Variants in MMP26 observed in about 807,000 individuals in gnomAD.
MMP26 encodes matrix metallopeptidase 26.
Under a neutral mutation model 31.0 loss-of-function variants are expected in MMP26, and 33 were observed. That is an observed-to-expected ratio of 1.06 (90% CI 0.81 to 1.42). The LOEUF (loss-of-function observed/expected upper bound fraction) is 1.42, where lower values mean the gene tolerates loss of function less well. MMP26 is among the 40% of genes most tolerant of loss of function. The pLI is 0.00. For missense variants in MMP26, 347 were observed against 316.1 expected (o/e 1.10, Z -0.74); for synonymous variants, 122 against 114.9 (o/e 1.06, Z -0.40).
chr11:4,839,006 G>C (rs950585082), intron 2 of MMP26, among the ~76,000 whole-genome samples: 1 of 152,158 alleles, frequency 6.6e-6, no homozygotes, highest in Admixed American at 6.5e-5. Context: ...GGGGAGAGCA[G>C]ACACACTGGT....
intron 2 of MMP26, among the ~76,000 whole-genome samples, chr11:4,807,278 T>C (rs1282214342): frequency 6.6e-6 from 1 of 152,094 alleles, no homozygotes; most frequent in Non-Finnish European, 1.5e-5. Flanking sequence ...TTGAACTAAT[T>C]TACACTCCCA....
At chr11:4,770,627 G>A (rs535995008) in intron 2 of MMP26, among the ~76,000 whole-genome samples, 1 of 152,178 alleles carries the variant, frequency 6.6e-6, no homozygotes, top group African/African-American at 2.4e-5. Flanking sequence ...GGCGGATCAC[G>A]AGGTCAAGAG....
rs187616180 is a variant in MMP26 at position 4,784,467 on chromosome 11, G to A, written c.-145+17126G>A. Among the ~76,000 whole-genome samples the A allele has an allele frequency of 7.8e-4, 119 of 152,336 alleles. 2 individuals are homozygous for A. The highest frequency in any genetic ancestry group is 1.3e-3 in the Non-Finnish European group (91 of 68,036). ...GATATAATTATGGTAATGATCACAA[G>A]ATGAGATCATCCTGGATGAACCAGG... On this transcript the variant is annotated intron_variant, in intron 2 of 7. Coordinates refer to ENST00000380390, the MANE Select transcript of MMP26 (RefSeq NM_021801.5).
intron 2 of MMP26, among the ~76,000 whole-genome samples, chr11:4,916,030 AC>A (rs1350774803): frequency 1.3e-5 from 2 of 152,036 alleles, no homozygotes; most frequent in Non-Finnish European, 2.9e-5. Flanking sequence ...AGTGGGATGC[AC>A]CCAGGGGCCA....
intron 1 of MMP26, among the ~76,000 whole-genome samples, chr11:4,758,714 A>C (rs1371775631): frequency 6.6e-6 from 1 of 152,142 alleles, no homozygotes; most frequent in African/African-American, 2.4e-5. Context: ...TATAGCAAAA[A>C]CAACTTCCAC....
At chr11:4,832,509 T>C (rs1033114205) in intron 2 of MMP26, 1 of 152,548 alleles carries the variant, frequency 6.6e-6, no homozygotes. Context: ...GATCACTTAG[T>C]AGCCATTTGC....
chr11:4,930,539 T>A (rs1851332603), intron 2 of MMP26, among the ~76,000 whole-genome samples: 1 of 152,112 alleles, frequency 6.6e-6, no homozygotes, highest in African/African-American at 2.4e-5. Context: ...AATGGCTCCA[T>A]CTACCCAATC....
intron 2 of MMP26, among the ~76,000 whole-genome samples, chr11:4,807,131 A>G (rs1373238608): frequency 6.6e-6 from 1 of 152,170 alleles, no homozygotes. Flanking sequence ...TTTTTTAATA[A>G]ACTTACGTGT....
intron 2 of MMP26, among the ~76,000 whole-genome samples, chr11:4,899,528 T>C (rs1319448278): frequency 6.6e-6 from 1 of 152,182 alleles, no homozygotes; most frequent in African/African-American, 2.4e-5. Flanking sequence ...AAAATGTCTC[T>C]ATAGAATGAC....
intron 1 of MMP26, among the ~76,000 whole-genome samples, chr11:4,732,651 T>A (rs1414730371): frequency 3.3e-5 from 5 of 151,830 alleles, no homozygotes; most frequent in Non-Finnish European, 7.4e-5. Flanking sequence ...GAGCAATCAC[T>A]AATCTACTTT....
At chr11:4,756,886 G>A (rs962791435) in intron 1 of MMP26, 4 of 151,796 alleles carry the variant, frequency 2.6e-5, no homozygotes, top group African/African-American at 9.7e-5. Context: ...ATGTAAATAA[G>A]TGAAGAGACA....
intron 2 of MMP26, among the ~76,000 whole-genome samples, chr11:4,953,825 G>A (rs1177650575): frequency 1.6e-5 from 2 of 125,432 alleles, no homozygotes. Context: ...GCCAAGGCAG[G>A]CGGATCACTT....
chr11:4,849,100 A>G, intron 2 of MMP26: 1 of 1,614,126 alleles, frequency 6.2e-7, no homozygotes, highest in Non-Finnish European at 8.5e-7. Context: ...ATGAGGGGCA[A>G]TGTCCACCAG....
chr11:4,936,596 A>G (rs921579697), intron 2 of MMP26, among the ~76,000 whole-genome samples: 2 of 152,178 alleles, frequency 1.3e-5, no homozygotes. Flanking sequence ...GATTATTTTT[A>G]AATTATAGAA....
chr11:4,939,195 C>T (rs564236940), intron 2 of MMP26, among the ~76,000 whole-genome samples: 1 of 152,194 alleles, frequency 6.6e-6, no homozygotes, highest in South Asian at 2.1e-4. Context: ...CATGTTTACA[C>T]TGTTCACTGT....
intron 2 of MMP26, chr11:4,875,688 A>G (rs1850369833): frequency 6.6e-6 from 1 of 152,114 alleles, no homozygotes; most frequent in Non-Finnish European, 1.5e-5. Context: ...GATTTGGCCT[A>G]CCTGCACAAT....
intron 2 of MMP26, among the ~76,000 whole-genome samples, chr11:4,977,925 A>T (rs1013047786): frequency 2.0e-5 from 3 of 151,868 alleles, no homozygotes; most frequent in African/African-American, 7.3e-5. Flanking sequence ...CCCAAATCTC[A>T]TCTTAAATTG....
intron 2 of MMP26, among the ~76,000 whole-genome samples, chr11:4,812,513 A>T (rs1349531025): frequency 6.6e-6 from 1 of 152,188 alleles, no homozygotes; most frequent in Non-Finnish European, 1.5e-5. Context: ...AAAAGTAGGC[A>T]GAAAGGAGAA....
At chr11:4,790,008 G>A (rs754554504) in intron 2 of MMP26, among the ~76,000 whole-genome samples, 1 of 152,080 alleles carries the variant, frequency 6.6e-6, no homozygotes, top group African/African-American at 2.4e-5. Context: ...TAAATAGATG[G>A]ATGCACACAT....
Sources: allele counts gnomAD v4.1 joint callset (sites outside exome capture counted in the v4.1 genomes callset), GRCh38; gene constraint gnomAD v4.1.1; transcripts MANE v1.5; gene names NCBI Gene and HGNC (gene_info 2026-07-23, HGNC 2026-07-21).